Variants in MEGF11 observed in about 807,000 individuals in gnomAD.
MEGF11 encodes the protein multiple EGF like domains 11.
A neutral mutation model predicts 146.6 loss-of-function variants in MEGF11; 126 were observed. That is an observed-to-expected ratio of 0.86 (90% CI 0.74 to 1.00). MEGF11 has a LOEUF of 1.00. Among genes scored for constraint, MEGF11 ranks in the 50% least tolerant of loss-of-function variants. The pLI is 0.00. For missense variants in MEGF11, 1,509 were observed against 1,521.2 expected (o/e 0.99, Z 0.13); for synonymous variants, 532 against 583.4 (o/e 0.91, Z 1.27).
At chr15:66,123,632 G>A (rs938401234) in intron 3 of MEGF11, among the ~76,000 whole-genome samples, 1 of 152,152 alleles carries the variant, frequency 6.6e-6, no homozygotes, top group Non-Finnish European at 1.5e-5. Flanking sequence ...CAAGTGTGAG[G>A]AAGTTGGGGT....
intron 5 of MEGF11, among the ~76,000 whole-genome samples, chr15:66,013,734 C>T (rs1212683455): frequency 2.0e-5 from 3 of 152,166 alleles, no homozygotes; most frequent in African/African-American, 7.2e-5. Flanking sequence ...AGCATATAGT[C>T]TCATGACAAT....
intron 1 of MEGF11, among the ~76,000 whole-genome samples, chr15:66,184,853 C>A (rs1468895693): frequency 6.6e-6 from 1 of 152,044 alleles, no homozygotes; most frequent in Non-Finnish European, 1.5e-5. Context: ...CTCTCCTTCC[C>A]TCAGGACTCT....
intron 4 of MEGF11, among the ~76,000 whole-genome samples, chr15:66,111,717 C>G (rs2087421244): frequency 6.6e-6 from 1 of 152,226 alleles, no homozygotes; most frequent in Non-Finnish European, 1.5e-5. Context: ...GAAAAAAAGT[C>G]TCCCACAAGA....
chr15:65,939,310 C>T (rs142521297), intron 10 of MEGF11, among the ~76,000 whole-genome samples: 11 of 152,240 alleles, frequency 7.2e-5, no homozygotes, highest in African/African-American at 1.9e-4. Flanking sequence ...GGTTCTGGAC[C>T]TGGGGACAGA....
chr15:66,089,384 A>G (rs16949428), intron 5 of MEGF11, among the ~76,000 whole-genome samples: 16,308 of 152,228 alleles, frequency 0.11, 939 homozygotes, highest in Middle Eastern at 0.19. Flanking sequence ...CGTGGATAAC[A>G]CCAGTTTGGT....
At chr15:65,957,497 A>G (rs1345837828) in intron 10 of MEGF11, 50 bp downstream of exon 10, 2 of 1,561,050 alleles carry the variant, frequency 1.3e-6, no homozygotes, top group African/African-American at 1.3e-5. Flanking sequence ...GGTGAGGGGA[A>G]CTGGCCCGGT....
Position 65,938,554 on chromosome 15 carries a change from C to G in MEGF11, c.1288-7611G>C, listed in dbSNP as rs903588340. Among the ~76,000 whole-genome samples the G allele has an allele frequency of 2.0e-5, 3 of 152,160 alleles. No homozygotes were observed. The South Asian group carries it at 6.2e-4, about 32-fold the overall frequency. ...TCTATCTTCATCTATCCCCATCTCC[C>G]CAGTCCACACCACCTACAGGGCAGG... On this transcript the variant is annotated intron_variant, in intron 10 of 25. Coordinates refer to ENST00000395614, the MANE Select transcript of MEGF11 (RefSeq NM_001385028.1).
At position 66,021,772 on chromosome 15, in the gene MEGF11, T is replaced by C. The variant is rs147653361; in HGVS notation, c.395-39284A>G. Among the ~76,000 whole-genome samples the C allele has an allele frequency of 7.4e-3, 1,126 of 152,264 alleles. 8 individuals are homozygous for C. The highest frequency in any genetic ancestry group is 0.013 in the Non-Finnish European group (874 of 68,006). ...CTGGTGTGAGTTGGACATCTCAGGA[T>C]GGGGAGGGGAGCCGAGAGAGCAGGG... On this transcript the variant is annotated intron_variant, in intron 5 of 25. Transcript: ENST00000395614.
chr15:65,997,927 AT>A (rs1392843622), intron 5 of MEGF11, among the ~76,000 whole-genome samples: 1 of 152,108 alleles, frequency 6.6e-6, no homozygotes, highest in Admixed American at 6.5e-5. Context: ...GGAGATGGCC[AT>A]GGGAAGAGCG....
At chr15:66,155,167 G>A (rs962487138) in intron 1 of MEGF11, among the ~76,000 whole-genome samples, 21 of 152,224 alleles carry the variant, frequency 1.4e-4, no homozygotes, top group Non-Finnish European at 2.9e-4. Context: ...TTCCTGGTCA[G>A]TTCTGGCTGT....
At chr15:66,082,319 G>T (rs2085890563) in intron 5 of MEGF11, among the ~76,000 whole-genome samples, 1 of 150,554 alleles carries the variant, frequency 6.6e-6, no homozygotes, top group African/African-American at 2.5e-5. Context: ...CAGGCGTGGT[G>T]GCTCATGCCT....
At chr15:66,124,131 C>G (rs374569425) in intron 2 of MEGF11, 131 bp from the exon 3 acceptor site, 4 of 701,708 alleles carry the variant, frequency 5.7e-6, no homozygotes, top group Admixed American at 2.2e-5. Flanking sequence ...CTGACCTCCC[C>G]CCTCCCAACT....
chr15:65,982,430 G>T lies in MEGF11; in HGVS notation c.453C>A (p.Gly151=), dbSNP rs769990613. The part of the protein sequence containing the change: ...HCSNRCQCQN[G]ALCNPITGAC... ...CGCCTGTGATGGGGTTACACAGGGCGCCGTTCTGGCACTGGCACCGGTTGC... is the reference window on the plus strand; with the variant it reads ...CGCCTGTGATGGGGTTACACAGGGCTCCGTTCTGGCACTGGCACCGGTTGC... The change falls in exon 6 of 26, where the codon GGC becomes GGA. Residue 151 remains glycine (G), a synonymous_variant. Coordinates refer to ENST00000395614, the MANE Select transcript of MEGF11 (RefSeq NM_001385028.1). The surrounding 1 kb of genome is among the most constrained non-coding windows in gnomAD (Gnocchi z 5.6). 2 of 1,499,158 alleles carry T rather than the reference G, an allele frequency of 1.3e-6. No homozygotes were observed. Among genetic ancestry groups the T allele is most frequent in the Admixed American group, 2.2e-5 (1 of 45,616 alleles). 92.9% of individuals were successfully genotyped at this position (1,499,158 alleles called of 1,614,324 possible). A position where few individuals can be genotyped will look rare whatever the true frequency, so the allele number is the denominator to read the frequency against.
At chr15:65,919,327 A>G (rs1055492043) in intron 15 of MEGF11, among the ~76,000 whole-genome samples, 3 of 152,242 alleles carry the variant, frequency 2.0e-5, no homozygotes, top group Admixed American at 1.3e-4. Context: ...ACACTGTTCA[A>G]TGTGCTTCAC....
Position 65,900,471 on chromosome 15 carries a change from AC to A in MEGF11, c.3056-1538del, listed in dbSNP as rs1355960374. 3.5e-4 allele frequency among the ~76,000 whole-genome samples: 54 copies of A among 152,202 alleles called. 1 individual carries two copies. ...AAGGCAACTGGTTGGAAGAGTATTT[AC>A]TTTTCTGTTAAAGTAGATGTCCATT... On this transcript the variant is annotated intron_variant, in intron 24 of 25. Transcript: ENST00000395614.
rs114062605 is a variant in MEGF11, at chr15:66,212,404, G to A, written c.-9+41201C>T. ...CATCAGCACAAGCTGGGTGCATCGT[G>A]GGGGGACTGGCTGCAAAAGGGAAGC... On this transcript the variant is annotated intron_variant, in intron 1 of 25. Coordinates refer to ENST00000395614, the MANE Select transcript of MEGF11 (RefSeq NM_001385028.1). 6.9e-3 allele frequency among the ~76,000 whole-genome samples: 1,058 copies of A among 152,234 alleles called. 6 individuals carry two copies. Among genetic ancestry groups the A allele is most frequent in the Non-Finnish European group, 0.011 (719 of 67,994 alleles).
intron 1 of MEGF11, among the ~76,000 whole-genome samples, chr15:66,248,741 A>C (rs1159884893): frequency 2.0e-5 from 3 of 151,888 alleles, no homozygotes; most frequent in African/African-American, 7.3e-5. Flanking sequence ...CATCAGCGAA[A>C]CTCCTCATTC....
chr15:66,231,371 A>G lies in MEGF11; in HGVS notation c.-9+22234T>C, dbSNP rs960458846. Among the ~76,000 whole-genome samples, 13 of 151,820 alleles carry G rather than the reference A, an allele frequency of 8.6e-5. 1 individual carries two copies. The East Asian group carries it at 2.5e-3, about 29-fold the overall frequency. Reference sequence around the variant, plus strand: ...ATCTGCCCAGGGAGAGGGGACGGTTATAGGGTGTGATACGGCCTCTAGATA... The same window carrying G: ...ATCTGCCCAGGGAGAGGGGACGGTTGTAGGGTGTGATACGGCCTCTAGATA... On this transcript the variant is annotated intron_variant, in intron 1 of 25. Coordinates refer to ENST00000395614, the MANE Select transcript of MEGF11 (RefSeq NM_001385028.1).
intron 1 of MEGF11, among the ~76,000 whole-genome samples, chr15:66,239,515 C>A (rs759482042): frequency 2.6e-5 from 4 of 152,186 alleles, no homozygotes; most frequent in Non-Finnish European, 5.9e-5. Flanking sequence ...CCTACATATG[C>A]GCTTTCCCAG....
Sources: allele counts gnomAD v4.1 joint callset (sites outside exome capture counted in the v4.1 genomes callset), GRCh38; gene constraint gnomAD v4.1.1; non-coding constraint Gnocchi (gnomAD v3.1); transcripts MANE v1.5; gene names NCBI Gene and HGNC (gene_info 2026-07-23, HGNC 2026-07-21).